Variants in WDR7 observed in about 807,000 individuals in gnomAD.
WDR7 encodes WD repeat domain 7, also known as WD repeat-containing protein 7.
A neutral mutation model predicts 169.4 loss-of-function variants in WDR7; 46 were observed. The ratio of observed to expected loss-of-function variants is 0.27; its 90% CI spans 0.21 to 0.35. WDR7 has a LOEUF of 0.35. WDR7 is among the 10% of genes least tolerant of loss of function. WDR7 has a pLI of 1.00. For synonymous variants in WDR7, 612 were observed against 666.8 expected (o/e 0.92, Z 1.27); for missense variants, 1,534 against 1,859.3 (o/e 0.83, Z 3.22).
intron 20 of WDR7, among the ~76,000 whole-genome samples, chr18:56,871,714 G>A (rs1230157293): frequency 6.6e-6 from 1 of 151,674 alleles, no homozygotes; most frequent in Non-Finnish European, 1.5e-5. Context: ...AATTTCGTTT[G>A]GACTCCATCT....
Position 56,731,533 on chromosome 18 carries a change from A to G in WDR7, c.1925A>G (p.Asn642Ser), listed in dbSNP as rs1225821663. The G allele has an allele frequency of 6.2e-7, 1 of 1,614,146 alleles. No individual in the cohort carries two copies. The highest frequency in any genetic ancestry group is 8.5e-7 in the Non-Finnish European group (1 of 1,180,022). ...MTRRSLAALKNMAHHKLQTLA... is the reference protein window; with the variant it reads ...MTRRSLAALKSMAHHKLQTLA... Reference sequence around the variant, plus strand: ...AGACGTAGTCTTGCTGCTCTTAAAAATATGGCCCATCATAAGCTACAAACC... The same window carrying G: ...AGACGTAGTCTTGCTGCTCTTAAAAGTATGGCCCATCATAAGCTACAAACC... Residue 642 changes from asparagine (N) to serine (S), a missense_variant, in exon 14 of 28, where the codon AAT (asparagine) becomes AGT (serine). Physicochemically the swap from Asn to Ser is conservative, Grantham distance 46 (BLOSUM62 1). Coordinates refer to ENST00000254442, the MANE Select transcript of WDR7 (RefSeq NM_015285.3).
chr18:56,938,808 A>AGTGTGTGTGTGTGTGT (rs71171007), intron 24 of WDR7, 126 bp downstream of exon 24: 4 of 661,740 alleles, frequency 6.0e-6, no homozygotes, highest in Non-Finnish European at 9.6e-6. Flanking sequence ...AGAAAGAATG[A>AGTGTGTGTGTGTGTGT]GTGTGTGTGT....
chr18:56,985,051 C>T (rs1337445047), intron 26 of WDR7, among the ~76,000 whole-genome samples: 1 of 152,130 alleles, frequency 6.6e-6, no homozygotes, highest in Non-Finnish European at 1.5e-5. Flanking sequence ...ATAAAACATA[C>T]TATCTTATTG....
chr18:56,777,267 G>C (rs2044254631), intron 17 of WDR7, among the ~76,000 whole-genome samples: 1 of 152,166 alleles, frequency 6.6e-6, no homozygotes, highest in Non-Finnish European at 1.5e-5. Flanking sequence ...TCACAATTGT[G>C]TATGCCAGTT....
At chr18:56,765,228 T>C (rs1486333612) in intron 16 of WDR7, among the ~76,000 whole-genome samples, 1 of 152,110 alleles carries the variant, frequency 6.6e-6, no homozygotes, top group Non-Finnish European at 1.5e-5. Flanking sequence ...ATAAGCCGTT[T>C]ACATTTAATG....
chr18:56,937,412 A>G (rs1342631800), intron 23 of WDR7, among the ~76,000 whole-genome samples: 1 of 151,934 alleles, frequency 6.6e-6, no homozygotes, highest in African/African-American at 2.4e-5. Context: ...AAATGAAACA[A>G]CACACACAAG....
intron 22 of WDR7, among the ~76,000 whole-genome samples, chr18:56,928,320 C>T (rs2145661610): frequency 1.3e-5 from 2 of 152,070 alleles, no homozygotes; most frequent in South Asian, 4.2e-4. Context: ...TAATAATTAC[C>T]TGGGCATGGT....
At chr18:56,906,605 A>G (rs973381062) in intron 21 of WDR7, among the ~76,000 whole-genome samples, 6 of 144,164 alleles carry the variant, frequency 4.2e-5, no homozygotes, top group Non-Finnish European at 8.9e-5. Flanking sequence ...ATGCAATGGC[A>G]TGATCTTGGC....
At chr18:56,967,193 A>ATACC (rs2047421965) in intron 26 of WDR7, among the ~76,000 whole-genome samples, 1 of 151,562 alleles carries the variant, frequency 6.6e-6, no homozygotes, top group African/African-American at 2.4e-5. Context: ...GCTTGGGTGG[A>ATACC]AAAGTTGAAG....
At chr18:56,906,860 TG>T (rs1229172829) in intron 21 of WDR7, among the ~76,000 whole-genome samples, 7 of 152,218 alleles carry the variant, frequency 4.6e-5, no homozygotes, top group African/African-American at 1.7e-4. Flanking sequence ...TTTCTACTTT[TG>T]CTTATCTTTG....
chr18:56,895,934 C>T (rs1242809838), intron 21 of WDR7, among the ~76,000 whole-genome samples: 1 of 151,366 alleles, frequency 6.6e-6, no homozygotes, highest in Non-Finnish European at 1.5e-5. Flanking sequence ...ATGAATATAC[C>T]AGAGATAAAT....
chr18:56,860,946 T>G (rs1172948987), intron 20 of WDR7, among the ~76,000 whole-genome samples: 1 of 152,126 alleles, frequency 6.6e-6, no homozygotes, highest in Non-Finnish European at 1.5e-5. Flanking sequence ...TAGTAAAAAG[T>G]GTATCTTTTA....
At chr18:56,859,692 A>G (rs1320023609) in intron 20 of WDR7, among the ~76,000 whole-genome samples, 1 of 152,212 alleles carries the variant, frequency 6.6e-6, no homozygotes, top group Non-Finnish European at 1.5e-5. Context: ...TGTGTCTTGT[A>G]TAAATATATA....
chr18:56,742,744 A>G (rs1265783086), intron 14 of WDR7, among the ~76,000 whole-genome samples: 2 of 152,160 alleles, frequency 1.3e-5, no homozygotes, highest in African/African-American at 4.8e-5. Context: ...GGTGACATTC[A>G]AGGATGAGTA....
intron 26 of WDR7, among the ~76,000 whole-genome samples, chr18:56,986,383 A>T (rs184062552): frequency 9.2e-4 from 140 of 152,284 alleles, no homozygotes; most frequent in African/African-American, 3.3e-3. Context: ...CAACACTTTG[A>T]CATTTTGAAA....
At chr18:56,960,059 A>T (rs2047318683) in intron 25 of WDR7, among the ~76,000 whole-genome samples, 1 of 152,202 alleles carries the variant, frequency 6.6e-6, no homozygotes. Flanking sequence ...CTAAGATTAA[A>T]ACATGCCTTA....
intron 1 of WDR7, among the ~76,000 whole-genome samples, chr18:56,657,652 T>C (rs2024806850): frequency 6.6e-6 from 1 of 152,236 alleles, no homozygotes; most frequent in Admixed American, 6.5e-5. Flanking sequence ...ATGATAGTAA[T>C]GTTAACTTAC....
chr18:56,989,710 TTTTA>T (rs2047782738), intron 26 of WDR7, among the ~76,000 whole-genome samples: 1 of 152,216 alleles, frequency 6.6e-6, no homozygotes, highest in Non-Finnish European at 1.5e-5. Context: ...ATACCTGTAA[TTTTA>T]TTTGTCTCAA....
chr18:56,798,534 A>G (rs964543029), intron 19 of WDR7, among the ~76,000 whole-genome samples: 1 of 152,204 alleles, frequency 6.6e-6, no homozygotes, highest in African/African-American at 2.4e-5. Context: ...TAATGAGTTA[A>G]GATATCCTGG....
Sources: allele counts gnomAD v4.1 joint callset (sites outside exome capture counted in the v4.1 genomes callset), GRCh38; gene constraint gnomAD v4.1.1; transcripts MANE v1.5; gene names NCBI Gene and HGNC (gene_info 2026-07-23, HGNC 2026-07-21).